Variants in THAP5 observed in about 807,000 individuals in gnomAD.
The protein encoded by THAP5 is THAP domain containing 5.
Under a neutral mutation model 34.0 loss-of-function variants are expected in THAP5, and 26 were observed. That is an observed-to-expected ratio of 0.77 (90% CI 0.56 to 1.06). The LOEUF (loss-of-function observed/expected upper bound fraction) is 1.06. Ranked by LOEUF, THAP5 falls within the 50% of genes least tolerant of loss-of-function variation. The probability of loss-of-function intolerance (pLI) is 0.00; values close to 1 mark genes in which losing one functional copy is unlikely to be tolerated. For synonymous variants in THAP5, 125 were observed against 153.0 expected (o/e 0.82, Z 1.35); for missense variants, 394 against 452.8 (o/e 0.87, Z 1.18).
At chr7:108,561,072 T>G (rs111539927), downstream of THAP5, among the ~76,000 whole-genome samples, 102 of 152,232 alleles carry the variant, frequency 6.7e-4, 2 homozygotes, top group African/African-American at 2.4e-3. Context: ...GAGACCCTGG[T>G]TTGAGCCTTT....
At position 108,562,664 on chromosome 7, in the gene THAP5, T is replaced by G. The variant is rs1247519508; in HGVS notation, c.*1527A>C. 2 of 152,212 alleles carry G rather than the reference T, an allele frequency of 1.3e-5. No individual in the cohort carries two copies. Among genetic ancestry groups the G allele is most frequent in the African/African-American group, 4.8e-5 (2 of 41,460 alleles). 9.4% of individuals were successfully genotyped at this position (152,212 alleles called of 1,614,324 possible). On this transcript the variant is annotated 3_prime_UTR_variant, in exon 3 of 3. Coordinates refer to ENST00000415914, the MANE Select transcript of THAP5 (RefSeq NM_001130475.3). ...CAGATGAAAAAACTAAGAATCAGAC[T>G]GATACAACTTCCTCAACATCATAGG... is the stretch of plus-strand genomic sequence containing the variant.
At chr7:108,555,569 G>C (rs1864380127) in intron 1 of THAP5, among the ~76,000 whole-genome samples, 1 of 152,120 alleles carries the variant, frequency 6.6e-6, no homozygotes, top group African/African-American at 2.4e-5. Flanking sequence ...AACTACCTGA[G>C]ACTGGGTAAT....
downstream of THAP5, among the ~76,000 whole-genome samples, chr7:108,560,827 A>C (rs1198018213): frequency 6.6e-6 from 1 of 151,988 alleles, no homozygotes; most frequent in Non-Finnish European, 1.5e-5. Flanking sequence ...TGCAGCCTTG[A>C]CCTAGGCTCA....
downstream of THAP5, among the ~76,000 whole-genome samples, chr7:108,551,847 T>A (rs1448451013): frequency 6.6e-6 from 1 of 152,232 alleles, no homozygotes; most frequent in Non-Finnish European, 1.5e-5. Flanking sequence ...TCCCACGTGA[T>A]TTTAATGCAC....
rs1225982778 is a variant in THAP5 at position 108,564,833 on chromosome 7, T to C, written c.546A>G (p.Thr182=). The part of the protein sequence containing the change: ...HTGKPESTLE[T]SVNQDTGRGG... ...CTCTACCTGTATCTTGGTTAACTGA[T>C]GTTTCCAAGGTAGATTCTGGTTTCC... Residue 182 remains threonine, a synonymous_variant, in exon 3 of 3, where the codon ACA becomes ACG. Transcript: ENST00000415914. 1.9e-6 allele frequency: 3 copies of C among 1,613,104 alleles called. No individual in the cohort carries two copies. In the Admixed American group the frequency reaches 5.0e-5, roughly 27 times the overall value.
chr7:108,542,479 G>C, the THAP5 span, among the ~76,000 whole-genome samples: 1 of 152,000 alleles, frequency 6.6e-6, no homozygotes, highest in African/African-American at 2.4e-5. Context: ...TTTTGTTTTT[G>C]GAGACAGAGT....
downstream of THAP5, among the ~76,000 whole-genome samples, chr7:108,552,822 T>C (rs1308365807): frequency 2.0e-5 from 3 of 152,014 alleles, no homozygotes; most frequent in Non-Finnish European, 4.4e-5. Context: ...AAAATCTCTT[T>C]ACCGTTGTTA....
chr7:108,569,229 A>G (rs1321840428), intron 1 of THAP5: 6 of 1,368,088 alleles, frequency 4.4e-6, no homozygotes, highest in Non-Finnish European at 5.7e-6. Flanking sequence ...AAACCACAGA[A>G]GCCCGCGCAA....
intron 1 of THAP5, among the ~76,000 whole-genome samples, chr7:108,555,702 CTTTTTTTT>C (rs11344007): frequency 3.9e-5 from 5 of 128,854 alleles, no homozygotes; most frequent in African/African-American, 1.2e-4. Flanking sequence ...GCACCTTTTT[CTTTTTTTT>C]TTTTTTTTTT....
intron 1 of THAP5, chr7:108,569,132 C>A: frequency 1.8e-6 from 2 of 1,089,952 alleles, no homozygotes. Context: ...TTGCGTGCAC[C>A]TTTCCACTTC....
chr7:108,546,199 A>G, the THAP5 span, among the ~76,000 whole-genome samples: 1 of 152,184 alleles, frequency 6.6e-6, no homozygotes, highest in Admixed American at 6.5e-5. Context: ...GCCACAAGAG[A>G]TAGCATATTA....
chr7:108,564,764 A>AAT lies in THAP5; in HGVS notation c.613_614dup (p.Thr206LeufsTer3). The AAT allele has an allele frequency of 6.2e-7, 1 of 1,613,372 alleles. No homozygotes were observed. The highest frequency in any genetic ancestry group is 8.5e-7 in the Non-Finnish European group (1 of 1,179,510). On this transcript the variant is annotated frameshift_variant, in exon 3 of 3. Transcript: ENST00000415914. LOFTEE classifies it high-confidence loss of function. ...TTTCTGAATTTGAAGTTGTCAAAGT[A>AAT]ATAGTTGTAGAATTTAGATTCTCAA...
the THAP5 span, among the ~76,000 whole-genome samples, chr7:108,544,976 G>T: frequency 6.6e-6 from 1 of 152,256 alleles, no homozygotes; most frequent in East Asian, 1.9e-4. Flanking sequence ...TTCCACACTT[G>T]AAATGCAGTA....
chr7:108,558,415 T>TATATATATATATATATA (rs1554694595), downstream of THAP5, among the ~76,000 whole-genome samples: 10 of 61,198 alleles, frequency 1.6e-4, no homozygotes, highest in African/African-American at 4.7e-4. Context: ...ATATATATAT[T>TATATATATATATATATA]TAGACAGAGT....
At chr7:108,567,518 G>A (rs1292341181) in intron 1 of THAP5, among the ~76,000 whole-genome samples, 4 of 151,692 alleles carry the variant, frequency 2.6e-5, no homozygotes, top group Non-Finnish European at 2.9e-5. Flanking sequence ...TTACTGGATT[G>A]TATTGCTTCA....
At chr7:108,568,847 T>A (rs1430795326) in intron 1 of THAP5, among the ~76,000 whole-genome samples, 1 of 152,222 alleles carries the variant, frequency 6.6e-6, no homozygotes, top group African/African-American at 2.4e-5. Flanking sequence ...CTAATTATTA[T>A]ACGACACTGC....
chr7:108,568,970 A>G (rs536066966), intron 1 of THAP5: 1 of 315,116 alleles, frequency 3.2e-6, no homozygotes, highest in Admixed American at 5.9e-5. Flanking sequence ...GAGTATCTAC[A>G]GCCCTAAGCA....
chr7:108,550,856 G>A (rs1275706499), downstream of THAP5, among the ~76,000 whole-genome samples: 1 of 152,158 alleles, frequency 6.6e-6, no homozygotes, highest in Non-Finnish European at 1.5e-5. Flanking sequence ...CACGTCCTGA[G>A]GTACTGGGCT....
chr7:108,565,724 A>T, intron 2 of THAP5, 106 bp downstream of exon 2: 3 of 847,854 alleles, frequency 3.5e-6, no homozygotes, highest in Non-Finnish European at 3.3e-6. Flanking sequence ...TTTTCCAAGT[A>T]TCTGTTTACC....
Sources: allele counts gnomAD v4.1 joint callset (sites outside exome capture counted in the v4.1 genomes callset), GRCh38; gene constraint gnomAD v4.1.1; transcripts MANE v1.5; gene names NCBI Gene and HGNC (gene_info 2026-07-23, HGNC 2026-07-21).